WDR37: variants seen among roughly 807,000 people sequenced by gnomAD.
WDR37 encodes WD repeat domain 37, also known as WD repeat-containing protein 37.
In WDR37, 19 loss-of-function variants were observed where a neutral mutation model predicts 62.9. The observed-to-expected ratio is 0.30, with a 90% CI of 0.21 to 0.44. The LOEUF is 0.44. Ranked by LOEUF, WDR37 falls within the 20% of genes least tolerant of loss-of-function variation. WDR37 has a pLI of 1.00. For missense variants in WDR37, 474 were observed against 657.6 expected, an observed-to-expected ratio of 0.72 and a Z score of 3.05; for synonymous variants, 250 against 260.9, an observed-to-expected ratio of 0.96 and a Z score of 0.40.
In WDR37 at chr10:1,091,059, T is replaced by A. The variant is rs115129014; in HGVS notation, c.605-2393T>A. On this transcript the variant is annotated intron_variant, in intron 7 of 13. Coordinates refer to ENST00000263150, the MANE Select transcript of WDR37 (RefSeq NM_014023.4). ...AACCCCAACATGATTCTGTGCCGAT[T>A]TTGTAAGATCAGGGGTCAGTTTTCA... Among the ~76,000 whole-genome samples, 477 of 152,346 alleles carry A rather than the reference T, an allele frequency of 3.1e-3. 3 individuals are homozygous for A. Among genetic ancestry groups the A allele is most frequent in the African/African-American group, 0.011 (446 of 41,574 alleles).
At chr10:1,077,806 A>G in intron 2 of WDR37, 101 bp from the exon 3 acceptor site, 1 of 869,620 alleles carries the variant, frequency 1.1e-6, no homozygotes, top group South Asian at 1.7e-5. Flanking sequence ...ATAATACAAA[A>G]TAAGAGTTTA....
chr10:1,089,917 G>A (rs962431612), intron 7 of WDR37, among the ~76,000 whole-genome samples: 6 of 152,110 alleles, frequency 3.9e-5, no homozygotes, highest in Non-Finnish European at 8.8e-5. Flanking sequence ...GTCGTGTTGC[G>A]TGTGTCTCTC....
chr10:1,117,654 A>G (rs1835446242), intron 11 of WDR37, among the ~76,000 whole-genome samples: 3 of 152,202 alleles, frequency 2.0e-5, no homozygotes. Context: ...CTCCGGAGAC[A>G]GGTGGGGGTG....
At chr10:1,095,480 C>T (rs1834544980) in intron 8 of WDR37, among the ~76,000 whole-genome samples, 1 of 152,066 alleles carries the variant, frequency 6.6e-6, no homozygotes, top group Non-Finnish European at 1.5e-5. Context: ...AGTTGCAAGT[C>T]CGGGCAGTAC....
intron 1 of WDR37, among the ~76,000 whole-genome samples, chr10:1,071,003 C>A (rs1430137606): frequency 6.6e-6 from 1 of 152,220 alleles, no homozygotes; most frequent in Non-Finnish European, 1.5e-5. Context: ...GAAATAAGGT[C>A]TTGCCTTGAG....
At chr10:1,108,940 T>C (rs1425593365) in intron 11 of WDR37, among the ~76,000 whole-genome samples, 1 of 152,208 alleles carries the variant, frequency 6.6e-6, no homozygotes, top group Non-Finnish European at 1.5e-5. Flanking sequence ...CCTATGTGCT[T>C]CTGATATGGG....
intron 6 of WDR37, among the ~76,000 whole-genome samples, chr10:1,085,022 C>A (rs1413198095): frequency 6.6e-6 from 1 of 152,206 alleles, no homozygotes; most frequent in African/African-American, 2.4e-5. Flanking sequence ...AGTGCAGTGG[C>A]GCAATCTCGG....
At chr10:1,096,305 T>G (rs760223578) in intron 9 of WDR37, 59 bp downstream of exon 9, 2 of 1,558,788 alleles carry the variant, frequency 1.3e-6, no homozygotes, top group African/African-American at 1.4e-5. Context: ...AATCTGAGAA[T>G]CCATTTATGA....
At position 1,126,130 on chromosome 10, in the gene WDR37, T is replaced by G. The variant is rs1045104979; in HGVS notation, c.1353+1106T>G. Among the ~76,000 whole-genome samples the G allele has an allele frequency of 7.8e-4, 119 of 152,260 alleles. 1 individual carries two copies. Among genetic ancestry groups the G allele is most frequent in the Non-Finnish European group, 1.3e-3 (86 of 68,006 alleles). On this transcript the variant is annotated intron_variant, in intron 13 of 13. Transcript: ENST00000263150. ...GAAACTCCCCGGGGTCAGTGGCTGG[T>G]CGCAGTGGCTGACGCCTGTAATCGT...
At chr10:1,118,549 C>T (rs1175249811) in intron 11 of WDR37, among the ~76,000 whole-genome samples, 7 of 149,534 alleles carry the variant, frequency 4.7e-5, no homozygotes, top group Non-Finnish European at 7.4e-5. Flanking sequence ...ATCTGAGCTG[C>T]GTGCACTCAG....
intron 8 of WDR37, among the ~76,000 whole-genome samples, chr10:1,093,938 C>T (rs978932727): frequency 2.0e-5 from 3 of 152,148 alleles, no homozygotes; most frequent in South Asian, 2.1e-4. Flanking sequence ...TTATCTAACC[C>T]GTGGTAGCTT....
intron 2 of WDR37, among the ~76,000 whole-genome samples, chr10:1,073,841 G>A (rs1041170472): frequency 2.6e-5 from 4 of 152,164 alleles, no homozygotes; most frequent in African/African-American, 4.8e-5. Flanking sequence ...TCATACTGGA[G>A]GGCCTTCCTT....
At chr10:1,079,093 T>G (rs1188860614) in intron 3 of WDR37, among the ~76,000 whole-genome samples, 4 of 29,490 alleles carry the variant, frequency 1.4e-4, no homozygotes, top group Non-Finnish European at 4.9e-4. Context: ...ACTTTTTTGT[T>G]TTTTTTTTTG....
chr10:1,122,725 C>G (rs866270889), intron 11 of WDR37, among the ~76,000 whole-genome samples: 1 of 152,214 alleles, frequency 6.6e-6, no homozygotes, highest in African/African-American at 2.4e-5. Context: ...TATTTGAGTT[C>G]TAAATACCTT....
At chr10:1,104,387 C>T (rs942732964) in intron 10 of WDR37, among the ~76,000 whole-genome samples, 4 of 152,230 alleles carry the variant, frequency 2.6e-5, no homozygotes, top group Non-Finnish European at 4.4e-5. Flanking sequence ...GGCCCTGGGG[C>T]CCCTGCACAG....
chr10:1,068,927 C>G (rs1271813139), intron 1 of WDR37, among the ~76,000 whole-genome samples: 2 of 152,210 alleles, frequency 1.3e-5, no homozygotes, highest in Admixed American at 1.3e-4. Context: ...GTGAAAGAAG[C>G]TGGTTGTCAC....
At chr10:1,125,718 T>C (rs1835721162) in intron 13 of WDR37, among the ~76,000 whole-genome samples, 1 of 152,152 alleles carries the variant, frequency 6.6e-6, no homozygotes, top group Non-Finnish European at 1.5e-5. Context: ...GCTGGGTTGG[T>C]TGTAGGCTGG....
Position 1,089,090 on chromosome 10 carries a change from G to A in WDR37, c.604+2733G>A, listed in dbSNP as rs2131636721. Among the ~76,000 whole-genome samples, 2 of 152,244 alleles carry A rather than the reference G, an allele frequency of 1.3e-5. 1 individual carries two copies. Among genetic ancestry groups the A allele is most frequent in the South Asian group, 4.1e-4 (2 of 4,822 alleles). On this transcript the variant is annotated intron_variant, in intron 7 of 13. Transcript: ENST00000263150. Reference sequence around the variant, plus strand: ...GTTCTAAGGGAGTTGTCCTTCAAGGGTGTGTCTTCACAGGCCCTGAGCTTT... The same window carrying A: ...GTTCTAAGGGAGTTGTCCTTCAAGGATGTGTCTTCACAGGCCCTGAGCTTT...
rs1835913134 is a variant in WDR37 at position 1,129,662 on chromosome 10, T to C, written c.*318T>C. Reference sequence around the variant, plus strand: ...TGAACAGTAGGGCATTACATTTGTGTGAATTAAATGTGAACTTCTGTATTA... The same window carrying C: ...TGAACAGTAGGGCATTACATTTGTGCGAATTAAATGTGAACTTCTGTATTA... On this transcript the variant is annotated 3_prime_UTR_variant, in exon 14 of 14. Coordinates refer to ENST00000263150, the MANE Select transcript of WDR37 (RefSeq NM_014023.4). 4.6e-6 allele frequency: 1 copy of C among 219,654 alleles called. No individual in the cohort carries two copies. The highest frequency in any genetic ancestry group is 5.7e-5 in the Admixed American group (1 of 17,448). 13.6% of individuals were successfully genotyped at this position (219,654 alleles called of 1,614,324 possible). A position where few individuals can be genotyped will look rare whatever the true frequency, so the allele number is the denominator to read the frequency against.
Sources: gnomAD v4.1 joint callset for allele counts (sites outside exome capture counted in the v4.1 genomes callset) on GRCh38, gnomAD v4.1.1 for gene constraint, MANE v1.5 for transcripts, NCBI Gene and HGNC (gene_info 2026-07-23, HGNC 2026-07-21) for gene names.